The following TAX1BP1 variants were observed in gnomAD, a reference collection of about 807,000 sequenced individuals.
TAX1BP1 encodes the protein tax1-binding protein 1.
A neutral mutation model predicts 97.7 loss-of-function variants in TAX1BP1; 62 were observed. The ratio of observed to expected loss-of-function variants is 0.63; its 90% CI spans 0.52 to 0.78. The LOEUF (loss-of-function observed/expected upper bound fraction) is 0.78. Ranked by LOEUF, TAX1BP1 falls within the 30% of genes least tolerant of loss-of-function variation. The probability of loss-of-function intolerance (pLI) is 0.00; values close to 1 mark genes in which losing one functional copy is unlikely to be tolerated. For synonymous variants in TAX1BP1, 340 were observed against 304.2 expected (o/e 1.12, Z -1.23); for missense variants, 867 against 916.1 (o/e 0.95, Z 0.69).
intron 5 of TAX1BP1, among the ~76,000 whole-genome samples, chr7:27,781,839 C>A (rs1436979098): frequency 2.0e-5 from 3 of 151,954 alleles, no homozygotes; most frequent in African/African-American, 7.3e-5. Context: ...GTGCCTCAGC[C>A]TCCGGAGTAA....
Position 27,817,054 on chromosome 7 carries a change from A to G in TAX1BP1, c.2085+16A>G, listed in dbSNP as rs1253563344. 1.9e-6 allele frequency: 3 copies of G among 1,602,826 alleles called. No individual in the cohort carries two copies. Among genetic ancestry groups the G allele is most frequent in the South Asian group, 1.1e-5 (1 of 89,700 alleles). ...GGATAGCAAAGTAAATTGAATTTTC[A>G]TTGTGTGAGCCTGTCCCTTTTTTAT... On this transcript the variant is annotated intron_variant, in intron 15 of 16. Coordinates refer to ENST00000396319, the MANE Select transcript of TAX1BP1 (RefSeq NM_006024.7).
Position 27,828,936 on chromosome 7 carries a change from C to T in TAX1BP1, c.*107C>T. ...CATAGAGCGGATGCTTTCATGCACC[C>T]TTTACTGCACTTTCTGACCAGGAGC... is the stretch of plus-strand genomic sequence containing the variant. On this transcript the variant is annotated 3_prime_UTR_variant, in exon 17 of 17. Coordinates refer to ENST00000396319, the MANE Select transcript of TAX1BP1 (RefSeq NM_006024.7). 1 of 807,538 alleles carries T rather than the reference C, an allele frequency of 1.2e-6. No homozygotes were observed. Among genetic ancestry groups the T allele is most frequent in the East Asian group, 2.7e-5 (1 of 36,884 alleles). 50.0% of individuals were successfully genotyped at this position (807,538 alleles called of 1,614,324 possible).
At chr7:27,765,180 A>G (rs7808796) in intron 3 of TAX1BP1, among the ~76,000 whole-genome samples, 1 of 148,010 alleles carries the variant, frequency 6.8e-6, no homozygotes, top group Non-Finnish European at 1.5e-5. Context: ...CACACCTGGC[A>G]AATTTTTGTA....
At chr7:27,811,667 G>C (rs1790564794) in intron 13 of TAX1BP1, among the ~76,000 whole-genome samples, 2 of 151,060 alleles carry the variant, frequency 1.3e-5, no homozygotes, top group South Asian at 4.2e-4. Context: ...GATGACTTTT[G>C]GCAAATGCAT....
At position 27,790,984 on chromosome 7, in the gene TAX1BP1, C is replaced by T. The variant is rs375883875; in HGVS notation, c.1039-1022C>T. Among the ~76,000 whole-genome samples the T allele has an allele frequency of 7.2e-5, 11 of 152,136 alleles. No individual in the cohort carries two copies. The East Asian group carries it at 1.7e-3, about 24-fold the overall frequency. On this transcript the variant is annotated intron_variant, in intron 8 of 16. Coordinates refer to ENST00000396319, the MANE Select transcript of TAX1BP1 (RefSeq NM_006024.7). ...ATTTCTTTAGAAAATTTTGTATGTT[C>T]ATGACTTTTGACTTTTGTTTTGTTT... is the stretch of plus-strand genomic sequence containing the variant.
rs764921604 is a variant in TAX1BP1, at chr7:27,793,067, A to G, written c.1265A>G (p.Asp422Gly). Residue 422 changes from aspartate (D) to glycine (G), a missense_variant and splice_region_variant, in exon 10 of 17, where the codon GAC becomes GGC. Around this residue, in one of 3 missense-constraint regions of TAX1BP1, gnomAD observed 822 missense variants for 851.4 expected, o/e 0.97. Coordinates refer to ENST00000396319, the MANE Select transcript of TAX1BP1 (RefSeq NM_006024.7). ...LKLNAMKKDQ[D>G]KTDTLEHELR... Reference sequence around the variant, plus strand: ...CTTCAAATGTTTGTTTCTTTCTAGGACAAGACTGATACACTGGAACACGAA... The same window carrying G: ...CTTCAAATGTTTGTTTCTTTCTAGGGCAAGACTGATACACTGGAACACGAA... 2 of 1,591,032 alleles carry G rather than the reference A, an allele frequency of 1.3e-6. No homozygotes were observed. The highest frequency in any genetic ancestry group is 1.7e-6 in the Non-Finnish European group (2 of 1,174,552).
intron 15 of TAX1BP1, among the ~76,000 whole-genome samples, chr7:27,826,686 T>C (rs1791189562): frequency 6.6e-6 from 1 of 152,230 alleles, no homozygotes; most frequent in African/African-American, 2.4e-5. Flanking sequence ...CACGTACAGA[T>C]CTCTAAAAAC....
chr7:27,797,883 G>C (rs1789996392), intron 12 of TAX1BP1, among the ~76,000 whole-genome samples: 1 of 149,244 alleles, frequency 6.7e-6, no homozygotes, highest in African/African-American at 2.5e-5. Flanking sequence ...AGGTATAATT[G>C]AAATCCAATG....
chr7:27,781,421 A>G lies in TAX1BP1; in HGVS notation c.613-3742A>G, dbSNP rs188249517. Among the ~76,000 whole-genome samples, 18 of 152,326 alleles carry G rather than the reference A, an allele frequency of 1.2e-4. No homozygotes were observed. The East Asian group carries it at 3.3e-3, about 28-fold the overall frequency. ...TTGCTCCTAGGCTACAAACCTGTAC[A>G]GCATGTTAGTGTACTGAATACTGTA... On this transcript the variant is annotated intron_variant, in intron 5 of 16. Transcript: ENST00000396319.
intron 13 of TAX1BP1, among the ~76,000 whole-genome samples, chr7:27,812,864 T>A (rs1329101604): frequency 1.3e-5 from 2 of 152,212 alleles, no homozygotes; most frequent in Non-Finnish European, 2.9e-5. Flanking sequence ...CTAAGGCCTA[T>A]ATGCTAAATC....
intron 1 of TAX1BP1, among the ~76,000 whole-genome samples, chr7:27,745,817 A>G (rs1450902049): frequency 6.6e-6 from 1 of 152,052 alleles, no homozygotes; most frequent in Non-Finnish European, 1.5e-5. Flanking sequence ...TAAAAATTCA[A>G]ACAATAAATT....
chr7:27,756,788 G>T lies in TAX1BP1; in HGVS notation c.163-1243G>T, dbSNP rs148996763. Among the ~76,000 whole-genome samples the T allele has an allele frequency of 5.7e-3, 871 of 152,164 alleles. 3 individuals are homozygous for T. Among genetic ancestry groups the T allele is most frequent in the Non-Finnish European group, 8.8e-3 (600 of 67,946 alleles). ...AAAGGAAAAAAATGGGCTCAAACAG[G>T]TGAGGTAAATGACTTGTTCACTGAT... is the stretch of plus-strand genomic sequence containing the variant. On this transcript the variant is annotated intron_variant, in intron 2 of 16. Coordinates refer to ENST00000396319, the MANE Select transcript of TAX1BP1 (RefSeq NM_006024.7).
intron 1 of TAX1BP1, among the ~76,000 whole-genome samples, chr7:27,743,158 G>A (rs1315586712): frequency 6.6e-6 from 1 of 152,166 alleles, no homozygotes; most frequent in African/African-American, 2.4e-5. Flanking sequence ...GTGATACCTG[G>A]GCGGAATGTC....
At position 27,785,287 on chromosome 7, in the gene TAX1BP1, T is replaced by C. The variant is rs559471004; in HGVS notation, c.737T>C (p.Ile246Thr). Residue 246 changes from isoleucine to threonine, a missense_variant, in exon 6 of 17, where the codon ATT (isoleucine) becomes ACT (threonine). Physicochemically the swap from Ile to Thr is moderately conservative, Grantham distance 89. Transcript: ENST00000396319. ...ATTGTGTCAGTAACACATAAAGCAA[T>C]TGAAAAAGAAACCGAATTAGACAGG... ...EDIVSVTHKA[I>T]EKETELDSLK... The C allele has an allele frequency of 1.2e-5, 19 of 1,609,330 alleles. No homozygotes were observed. The highest frequency in any genetic ancestry group is 1.5e-5 in the Non-Finnish European group (18 of 1,178,552).
rs1407135221 is a variant in TAX1BP1, at chr7:27,829,233, T to C, written c.*404T>C. 1.3e-5 allele frequency: 2 copies of C among 155,620 alleles called. No homozygotes were observed. The highest frequency in any genetic ancestry group is 1.9e-4 in the East Asian group (1 of 5,318). 9.6% of individuals were successfully genotyped at this position (155,620 alleles called of 1,614,324 possible). On this transcript the variant is annotated 3_prime_UTR_variant, in exon 17 of 17. Transcript: ENST00000396319. ...GTTGATTGAGCATGACTACTAAATA[T>C]TATGTAATAAAAAGCATTTGTCATA...
At chr7:27,819,386 TAGAATC>T (rs1790891633) in intron 15 of TAX1BP1, among the ~76,000 whole-genome samples, 1 of 152,200 alleles carries the variant, frequency 6.6e-6, no homozygotes. Context: ...CCTCAAGCCT[TAGAATC>T]AGATTGGACA....
chr7:27,828,293 C>T (rs1370707816), intron 16 of TAX1BP1, among the ~76,000 whole-genome samples: 1 of 152,134 alleles, frequency 6.6e-6, no homozygotes, highest in Non-Finnish European at 1.5e-5. Context: ...TTGTATTTAT[C>T]CTTACAGTCT....
In TAX1BP1 at chr7:27,785,408, C is replaced by A. The variant is rs1299904836; in HGVS notation, c.771C>A (p.Asp257Glu). 1 of 1,611,296 alleles carries A rather than the reference C, an allele frequency of 6.2e-7. No individual in the cohort carries two copies. The highest frequency in any genetic ancestry group is 1.7e-5 in the Admixed American group (1 of 59,384). The change falls in exon 7 of 17, where the codon GAC (aspartate) becomes GAA (glutamate). Residue 257 changes from aspartate (D) to glutamate (E), a missense_variant. By Grantham distance (45) the Asp-to-Glu change is conservative. Transcript: ENST00000396319. Reference sequence around the variant, plus strand: ...ATCATACCTATCTTAGTTTAAAGGACAAACTCAAGAAGGCACAACATGAAA... The same window carrying A: ...ATCATACCTATCTTAGTTTAAAGGAAAAACTCAAGAAGGCACAACATGAAA... ...EKETELDSLK[D>E]KLKKAQHERE...
Position 27,766,041 on chromosome 7 carries a change from T to C in TAX1BP1, c.453+20T>C, listed in dbSNP as rs1320205945. The C allele has an allele frequency of 6.2e-7, 1 of 1,601,144 alleles. No homozygotes were observed. The highest frequency in any genetic ancestry group is 8.5e-7 in the Non-Finnish European group (1 of 1,172,496). On this transcript the variant is annotated intron_variant, in intron 4 of 16. Transcript: ENST00000396319. Reference sequence around the variant, plus strand: ...CTTGAGGTTGGTGTTCACAGTGAGATAGTGATTCATTGATAATTTTAAGAA... The same window carrying C: ...CTTGAGGTTGGTGTTCACAGTGAGACAGTGATTCATTGATAATTTTAAGAA...
Sources: allele counts gnomAD v4.1 joint callset (sites outside exome capture counted in the v4.1 genomes callset), GRCh38; gene constraint gnomAD v4.1.1; regional missense constraint gnomAD v4.1.1; transcripts MANE v1.5; gene names NCBI Gene and HGNC (gene_info 2026-07-23, HGNC 2026-07-21).